The following MAP2K5 variants were observed in gnomAD, a reference collection of about 807,000 sequenced individuals.
MAP2K5 encodes the protein dual specificity mitogen-activated protein kinase kinase 5.
Under a neutral mutation model 83.1 loss-of-function variants are expected in MAP2K5, and 49 were observed. That is an observed-to-expected ratio of 0.59 (90% CI 0.47 to 0.75). MAP2K5 has a LOEUF of 0.75. Ranked by LOEUF, MAP2K5 falls within the 30% of genes least tolerant of loss-of-function variation. The pLI is 0.00. For missense variants in MAP2K5, 457 were observed against 557.5 expected, an observed-to-expected ratio of 0.82 and a Z score of 1.82; for synonymous variants, 202 against 191.8, an observed-to-expected ratio of 1.05 and a Z score of -0.44.
intron 8 of MAP2K5, among the ~76,000 whole-genome samples, chr15:67,606,640 A>G (rs1174923546): frequency 1.3e-5 from 2 of 152,222 alleles, no homozygotes; most frequent in South Asian, 2.1e-4. Flanking sequence ...CCTGTGGCCT[A>G]TTAGGTTGTG....
intron 8 of MAP2K5, among the ~76,000 whole-genome samples, chr15:67,602,456 A>C (rs1204963337): frequency 6.6e-6 from 1 of 152,020 alleles, no homozygotes; most frequent in African/African-American, 2.4e-5. Flanking sequence ...GTTTATTTAG[A>C]CTCCTAACCT....
intron 21 of MAP2K5, among the ~76,000 whole-genome samples, chr15:67,796,172 A>G (rs540593097): frequency 2.0e-5 from 3 of 152,022 alleles, no homozygotes; most frequent in Non-Finnish European, 4.4e-5. Flanking sequence ...TTGTTTGTTG[A>G]TATACTTGAG....
chr15:67,574,101 C>G (rs1300040143), intron 3 of MAP2K5, among the ~76,000 whole-genome samples: 1 of 152,162 alleles, frequency 6.6e-6, no homozygotes, highest in Non-Finnish European at 1.5e-5. Flanking sequence ...AGAACCATCT[C>G]TTGGGGTATG....
At chr15:67,599,965 G>A (rs1002556528) in intron 7 of MAP2K5, among the ~76,000 whole-genome samples, 1 of 151,212 alleles carries the variant, frequency 6.6e-6, no homozygotes, top group Admixed American at 6.7e-5. Flanking sequence ...GGTATAATAG[G>A]TTTTATAGAA....
At position 67,708,046 on chromosome 15, in the gene MAP2K5, C is replaced by T. The variant is rs1474714499; in HGVS notation, c.1044+4638C>T. ...GGAATCAAATACAGGCTAGGCCTGG[C>T]GGCTCATTCCTGTAATACCAGCACT... On this transcript the variant is annotated intron_variant, in intron 16 of 21. Transcript: ENST00000178640. The surrounding 1 kb of genome is among the most constrained non-coding windows in gnomAD (Gnocchi z 4.9). 6.6e-6 allele frequency among the ~76,000 whole-genome samples: 1 copy of T among 152,124 alleles called. No homozygotes were observed. The highest frequency in any genetic ancestry group is 1.5e-5 in the Non-Finnish European group (1 of 68,000).
chr15:67,735,375 G>A (rs1318807646), intron 17 of MAP2K5, among the ~76,000 whole-genome samples: 2 of 152,210 alleles, frequency 1.3e-5, no homozygotes, highest in Non-Finnish European at 2.9e-5. Context: ...TGATTCCTGT[G>A]TTGTTTGAAA....
chr15:67,700,660 T>A (rs1276371289), intron 15 of MAP2K5, among the ~76,000 whole-genome samples: 1 of 152,170 alleles, frequency 6.6e-6, no homozygotes, highest in Non-Finnish European at 1.5e-5. Context: ...TTGCTGCTCA[T>A]CTTGTGTCTA....
In MAP2K5 at chr15:67,694,837, T is replaced by C. The variant is rs1222459694; in HGVS notation, c.972+1269T>C. Among the ~76,000 whole-genome samples the C allele has an allele frequency of 2.0e-5, 3 of 152,032 alleles. No homozygotes were observed. The South Asian group carries it at 6.2e-4, about 32-fold the overall frequency. On this transcript the variant is annotated intron_variant, in intron 15 of 21. Transcript: ENST00000178640. ...ATGTTTATTGTGGCATTATTCACAA[T>C]AGCAAAGACTTGGAACCAACCCAAA... is the stretch of plus-strand genomic sequence containing the variant.
At chr15:67,589,477 T>G (rs2085352571) in intron 6 of MAP2K5, among the ~76,000 whole-genome samples, 1 of 152,228 alleles carries the variant, frequency 6.6e-6, no homozygotes, top group Non-Finnish European at 1.5e-5. Context: ...CCTAAACTAC[T>G]TAGCTTTCTC....
intron 16 of MAP2K5, among the ~76,000 whole-genome samples, chr15:67,710,624 C>T (rs976598217): frequency 1.3e-5 from 2 of 151,270 alleles, no homozygotes; most frequent in East Asian, 3.9e-4. Flanking sequence ...CTGTCTTAGC[C>T]TCCTGAGTAG....
In MAP2K5 at chr15:67,761,555, C is replaced by T. The variant is rs1184428586; in HGVS notation, c.1135-8047C>T. On this transcript the variant is annotated intron_variant, in intron 19 of 21. Coordinates refer to ENST00000178640, the MANE Select transcript of MAP2K5 (RefSeq NM_145160.3). ...GGCAGTAATTATTTTAACTAACAGT[C>T]GAGTGAACATTCAGGAGGACATACA... 2.6e-5 allele frequency among the ~76,000 whole-genome samples: 4 copies of T among 152,296 alleles called. No homozygotes were observed. In the South Asian group the frequency reaches 8.3e-4, roughly 32 times the overall value.
chr15:67,549,838 A>G (rs552610180), intron 1 of MAP2K5, among the ~76,000 whole-genome samples, 196 bp from the exon 2 acceptor site: 4 of 152,200 alleles, frequency 2.6e-5, no homozygotes, highest in Non-Finnish European at 2.9e-5. Flanking sequence ...TTCCTTAAAT[A>G]TTTTTCTTCC....
At chr15:67,648,183 T>C (rs1002392874) in intron 11 of MAP2K5, among the ~76,000 whole-genome samples, 2 of 152,192 alleles carry the variant, frequency 1.3e-5, no homozygotes, top group African/African-American at 4.8e-5. Context: ...AAAACACTTT[T>C]TACCACCCCC....
At chr15:67,545,422 G>T (rs933756509) in intron 1 of MAP2K5, among the ~76,000 whole-genome samples, 1 of 152,178 alleles carries the variant, frequency 6.6e-6, no homozygotes, top group Non-Finnish European at 1.5e-5. Context: ...CAAGGAATTT[G>T]GGTTTAATTG....
chr15:67,734,726 A>G lies in MAP2K5; in HGVS notation c.1074+6781A>G, dbSNP rs565560549. 4.6e-5 allele frequency among the ~76,000 whole-genome samples: 7 copies of G among 152,276 alleles called. No individual in the cohort carries two copies. In the East Asian group the frequency reaches 1.3e-3, roughly 29 times the overall value. Reference sequence around the variant, plus strand: ...CCTAAAAAGTTTGCACTCTTTGAAAAGAGGTATTAGAATCTATCCTTTGTT... The same window carrying G: ...CCTAAAAAGTTTGCACTCTTTGAAAGGAGGTATTAGAATCTATCCTTTGTT... On this transcript the variant is annotated intron_variant, in intron 17 of 21. Transcript: ENST00000178640.
At chr15:67,616,186 C>CAA (rs10679815) in intron 8 of MAP2K5, among the ~76,000 whole-genome samples, 150,595 of 152,254 alleles carry the variant, frequency 0.99, 74,504 homozygotes, top group Middle Eastern at 1. Context: ...AAATGTCACA[C>CAA]AGAGCAAAGA....
intron 6 of MAP2K5, among the ~76,000 whole-genome samples, chr15:67,591,358 T>G (rs1372454779): frequency 6.8e-6 from 1 of 148,026 alleles, no homozygotes; most frequent in African/African-American, 2.5e-5. Flanking sequence ...AAAAAAAAAG[T>G]AGAGTTAACA....
intron 16 of MAP2K5, among the ~76,000 whole-genome samples, chr15:67,713,237 T>C (rs1210988153): frequency 6.6e-6 from 1 of 152,110 alleles, no homozygotes; most frequent in African/African-American, 2.4e-5. Context: ...AAATTTACTA[T>C]AAAAAATACA....
rs999737884 is a variant in MAP2K5 at position 67,690,059 on chromosome 15, T to C, written c.848-2420T>C. On this transcript the variant is annotated intron_variant, in intron 13 of 21. Coordinates refer to ENST00000178640, the MANE Select transcript of MAP2K5 (RefSeq NM_145160.3). The surrounding 1 kb of genome is among the most constrained non-coding windows in gnomAD (Gnocchi z 4.3). ...TAAATCTCTTCAGCTATTGTTAGTG[T>C]ATTTTATATGTGGTCCAAGACAGTT... 3.3e-5 allele frequency among the ~76,000 whole-genome samples: 5 copies of C among 152,180 alleles called. No individual in the cohort carries two copies. The highest frequency in any genetic ancestry group is 1.2e-4 in the African/African-American group (5 of 41,440).
Sources: gnomAD v4.1 joint callset for allele counts (sites outside exome capture counted in the v4.1 genomes callset) on GRCh38, gnomAD v4.1.1 for gene constraint, Gnocchi (gnomAD v3.1) non-coding constraint, MANE v1.5 for transcripts, NCBI Gene and HGNC (gene_info 2026-07-23, HGNC 2026-07-21) for gene names.